Variants in TSR1 observed in about 807,000 individuals in gnomAD.
The protein encoded by TSR1 is pre-rRNA-processing protein TSR1 homolog.
Under a neutral mutation model 90.9 loss-of-function variants are expected in TSR1, and 81 were observed. That is an observed-to-expected ratio of 0.89 (90% CI 0.74 to 1.07). TSR1 has a LOEUF of 1.07. Ranked by LOEUF, TSR1 falls within the 50% of genes least tolerant of loss-of-function variation. The pLI is 0.00. For synonymous variants in TSR1, 362 were observed against 348.8 expected, an observed-to-expected ratio of 1.04 and a Z score of -0.42; for missense variants, 989 against 987.3, an observed-to-expected ratio of 1.00 and a Z score of -0.02.
Position 2,334,909 on chromosome 17 carries a change from G to A in TSR1, c.557-13C>T, listed in dbSNP as rs372505478. The A allele has an allele frequency of 8.1e-6, 13 of 1,599,742 alleles. No individual in the cohort carries two copies. The highest frequency in any genetic ancestry group is 1.7e-5 in the Admixed American group (1 of 58,988). ...TGGACAGCTAGTGCTGTAAGCGAAA[G>A]AGAAAACGCTTCATGACCTACTGCT... On this transcript the variant is annotated splice_polypyrimidine_tract_variant and intron_variant, in intron 4 of 14. Coordinates refer to ENST00000301364, the MANE Select transcript of TSR1 (RefSeq NM_018128.5).
chr17:2,324,433 C>T (rs1249246636), intron 14 of TSR1, 59 bp from the exon 15 acceptor site: 1 of 1,610,212 alleles, frequency 6.2e-7, no homozygotes, highest in Non-Finnish European at 8.5e-7. Context: ...AAAGCAATGA[C>T]TTCCAACCCA....
In TSR1 at chr17:2,331,072, A is replaced by G; in HGVS notation, c.1534T>C (p.Ser512Pro). Residue 512 changes from serine (S) to proline (P), a missense_variant, in exon 9 of 15, where the codon TCT (serine) becomes CCT (proline). By Grantham distance (74) the Ser-to-Pro change is moderately conservative. Coordinates refer to ENST00000301364, the MANE Select transcript of TSR1 (RefSeq NM_018128.5). ...KYRGLKSFRT[S>P]PWDPKENLPQ... ...AGGTTTTCCTTAGGATCCCATGGAG[A>G]TGTCCGGAAGCTCTTAAGGCCTCTG... 2 of 1,604,536 alleles carry G rather than the reference A, an allele frequency of 1.2e-6. No individual in the cohort carries two copies. The highest frequency in any genetic ancestry group is 1.7e-6 in the Non-Finnish European group (2 of 1,177,586).
chr17:2,331,670 C>T (rs1290764968), intron 8 of TSR1, among the ~76,000 whole-genome samples: 3 of 152,156 alleles, frequency 2.0e-5, no homozygotes, highest in Non-Finnish European at 4.4e-5. Flanking sequence ...GGACCATGAC[C>T]CAATTAAATC....
In TSR1 at chr17:2,335,276, C is replaced by T; in HGVS notation, c.540G>A (p.Gln180=). 2 of 1,613,900 alleles carry T rather than the reference C, an allele frequency of 1.2e-6. No homozygotes were observed. The highest frequency in any genetic ancestry group is 2.2e-5 in the South Asian group (2 of 91,042). ...CTCACTTACTATAGGTCGGAAGGCC[C>T]TGAGCAAAGAGGCAGGAAAGACAGT... ...GDYCLSCLFA[Q]GLPTYTLAVQ... The change falls in exon 4 of 15, where the codon CAG becomes CAA. Residue 180 remains glutamine, a synonymous_variant. Transcript: ENST00000301364.
At position 2,332,984 on chromosome 17, in the gene TSR1, C is replaced by T; in HGVS notation, c.1282G>A (p.Asp428Asn). Residue 428 changes from aspartate to asparagine, a missense_variant, in exon 7 of 15, where the codon GAT (aspartate) becomes AAT (asparagine). Coordinates refer to ENST00000301364, the MANE Select transcript of TSR1 (RefSeq NM_018128.5). The part of the protein sequence containing the change: ...EYEYDDMEHE[D>N]FMEEESQDES... ...ACCTGAGATTCCTCCTCCATAAAAT[C>T]CTCATGTTCCATATCATCATATTCA... The T allele has an allele frequency of 1.2e-6, 2 of 1,613,902 alleles. No homozygotes were observed. Among genetic ancestry groups the T allele is most frequent in the Non-Finnish European group, 1.7e-6 (2 of 1,179,916 alleles).
In TSR1 at chr17:2,324,280, C is replaced by T; in HGVS notation, c.2331G>A (p.Trp777Ter). 6.4e-7 allele frequency: 1 copy of T among 1,555,244 alleles called. No individual in the cohort carries two copies. Among genetic ancestry groups the T allele is most frequent in the Non-Finnish European group, 8.6e-7 (1 of 1,156,142 alleles). Residue 777 changes from tryptophan to a stop codon, truncating the protein, a stop_gained, in exon 15 of 15, where the codon TGG becomes TGA. Coordinates refer to ENST00000301364, the MANE Select transcript of TSR1 (RefSeq NM_018128.5). LOFTEE classifies it high-confidence loss of function. ...GTTCTGGTACATATGGATCATAAGT[C>T]CATTTGGGGAAGACTCGTTTATACA... ...MNLYKRVFPKWTYDPYVPEPV... is the reference protein window; with the variant it reads ...MNLYKRVFPK
intron 10 of TSR1, chr17:2,330,293 A>T (rs1378821878): frequency 1.5e-6 from 1 of 673,962 alleles, no homozygotes; most frequent in Non-Finnish European, 2.8e-6. Context: ...GAAGTCTCAG[A>T]ACCACACAGA....
In TSR1 at chr17:2,322,559, G is replaced by A. The variant is rs1201418911; in HGVS notation, c.*1637C>T. The A allele has an allele frequency of 6.6e-6, 1 of 152,168 alleles. No homozygotes were observed. Among genetic ancestry groups the A allele is most frequent in the Non-Finnish European group, 1.5e-5 (1 of 68,296 alleles). The allele number at this position is 152,168 out of a possible 1,614,324, so 9.4% of individuals were successfully genotyped here. On this transcript the variant is annotated 3_prime_UTR_variant, in exon 15 of 15. Coordinates refer to ENST00000301364, the MANE Select transcript of TSR1 (RefSeq NM_018128.5). ...TCTGTCACCCAGGCTGGAGTGCAGTGGCACGATCTTGGCTCACTGCAAGCT... is the reference window on the plus strand; with the variant it reads ...TCTGTCACCCAGGCTGGAGTGCAGTAGCACGATCTTGGCTCACTGCAAGCT...
In TSR1 at chr17:2,323,903, G is replaced by A. The variant is rs754581800; in HGVS notation, c.*293C>T. The A allele has an allele frequency of 8.8e-6, 14 of 1,593,354 alleles. No individual in the cohort carries two copies. Among genetic ancestry groups the A allele is most frequent in the Non-Finnish European group, 1.2e-5 (14 of 1,162,710 alleles). ...CAGAAAAGGAAATGGTGGGAATTCA[G>A]TGTCTTTAGATACTGAAGACATTTT... On this transcript the variant is annotated 3_prime_UTR_variant, in exon 15 of 15. Coordinates refer to ENST00000301364, the MANE Select transcript of TSR1 (RefSeq NM_018128.5).
Position 2,322,560 on chromosome 17 carries a change from G to C in TSR1, c.*1636C>G, listed in dbSNP as rs1269509632. 6.6e-6 allele frequency: 1 copy of C among 152,466 alleles called. No homozygotes were observed. The highest frequency in any genetic ancestry group is 2.4e-5 in the African/African-American group (1 of 41,400). The allele number at this position is 152,466 out of a possible 1,614,324, so 9.4% of individuals were successfully genotyped here. A position where few individuals can be genotyped will look rare whatever the true frequency, so the allele number is the denominator to read the frequency against. On this transcript the variant is annotated 3_prime_UTR_variant, in exon 15 of 15. Transcript: ENST00000301364. ...CTGTCACCCAGGCTGGAGTGCAGTG[G>C]CACGATCTTGGCTCACTGCAAGCTC...
At chr17:2,327,155 C>A (rs913989612) in intron 11 of TSR1, among the ~76,000 whole-genome samples, 4 of 142,674 alleles carry the variant, frequency 2.8e-5, no homozygotes, top group African/African-American at 1.0e-4. Context: ...TTGGCTCATC[C>A]CTATAAATCC....
Position 2,323,606 on chromosome 17 carries a change from C to A in TSR1, c.*590G>T, listed in dbSNP as rs746947026. ...TTCTCATCTGAACTTTATAGGTAAA[C>A]CAACTAGACTCCCCTTTCACTAATT... On this transcript the variant is annotated 3_prime_UTR_variant, in exon 15 of 15. Coordinates refer to ENST00000301364, the MANE Select transcript of TSR1 (RefSeq NM_018128.5). 1.3e-5 allele frequency: 20 copies of A among 1,586,148 alleles called. No individual in the cohort carries two copies. In the African/African-American group the frequency reaches 2.4e-4, roughly 19 times the overall value.
At chr17:2,333,984 T>A (rs190468973) in intron 5 of TSR1, among the ~76,000 whole-genome samples, 1 of 152,132 alleles carries the variant, frequency 6.6e-6, no homozygotes, top group South Asian at 2.1e-4. Flanking sequence ...TTCTTCAAGG[T>A]TCACATAAAC....
At chr17:2,326,863 G>A (rs530543583) in intron 11 of TSR1, among the ~76,000 whole-genome samples, 12 of 152,192 alleles carry the variant, frequency 7.9e-5, no homozygotes, top group Non-Finnish European at 1.6e-4. Flanking sequence ...CCAGCACTTT[G>A]GGAGGCCAAT....
Position 2,333,133 on chromosome 17 carries a change from G to C in TSR1, c.1142-9C>G. ...ACTTTCCTTCAAGAAATCTGTAAAA[G>C]CCCAAACAAATTAAGTAAATTACAG... On this transcript the variant is annotated splice_polypyrimidine_tract_variant and intron_variant, in intron 6 of 14. Transcript: ENST00000301364. 3 of 1,612,736 alleles carry C rather than the reference G, an allele frequency of 1.9e-6. No individual in the cohort carries two copies.
rs893309322 is a variant in TSR1, at chr17:2,333,462, C to G, written c.1141+95G>C. On this transcript the variant is annotated intron_variant, in intron 6 of 14. Coordinates refer to ENST00000301364, the MANE Select transcript of TSR1 (RefSeq NM_018128.5). ...GGAGAGACTTTCAACTATACCCCCACCCCACTCTATCCTATAGGGCCCTCA... is the reference window on the plus strand; with the variant it reads ...GGAGAGACTTTCAACTATACCCCCAGCCCACTCTATCCTATAGGGCCCTCA... 4 of 1,485,254 alleles carry G rather than the reference C, an allele frequency of 2.7e-6. No homozygotes were observed. In the Admixed American group the frequency reaches 6.9e-5, roughly 26 times the overall value. 92.0% of individuals were successfully genotyped at this position (1,485,254 alleles called of 1,614,324 possible). A position where few individuals can be genotyped will look rare whatever the true frequency, so the allele number is the denominator to read the frequency against.
At chr17:2,328,998 G>A (rs1481264221) in intron 11 of TSR1, 6 of 311,940 alleles carry the variant, frequency 1.9e-5, no homozygotes, top group East Asian at 6.6e-5. Flanking sequence ...TCAATTCCCC[G>A]TTCTAATGCC....
chr17:2,336,415 G>T lies in TSR1; in HGVS notation c.13C>A (p.Arg5Ser). ...TTCTGCTGCTTGAGCGGGCCGGGGC[G>T]GTGGGCCGCCATGCCGCAGCGCGCG... is the stretch of plus-strand genomic sequence containing the variant. MAAHRPGPLKQQNKA... is the reference protein window; with the variant it reads MAAHSPGPLKQQNKA... Residue 5 changes from arginine (R) to serine (S), a missense_variant, in exon 1 of 15, where the codon CGC (arginine) becomes AGC (serine). By Grantham distance (110) the Arg-to-Ser change is moderately radical. Transcript: ENST00000301364. 1.9e-6 allele frequency: 3 copies of T among 1,611,244 alleles called. No homozygotes were observed. Among genetic ancestry groups the T allele is most frequent in the Non-Finnish European group, 2.5e-6 (3 of 1,179,932 alleles).
At chr17:2,333,363 C>A (rs1347353150) in intron 6 of TSR1, 194 bp downstream of exon 6, 5 of 882,066 alleles carry the variant, frequency 5.7e-6, no homozygotes, top group Admixed American at 2.0e-5. Context: ...AACATTAACA[C>A]AAGTAATTTT....
Sources: allele counts gnomAD v4.1 joint callset (sites outside exome capture counted in the v4.1 genomes callset), GRCh38; gene constraint gnomAD v4.1.1; transcripts MANE v1.5; gene names NCBI Gene and HGNC (gene_info 2026-07-23, HGNC 2026-07-21).